KAZN: variants seen among roughly 807,000 people sequenced by gnomAD.
KAZN encodes the protein kazrin.
A neutral mutation model predicts 87.4 loss-of-function variants in KAZN; 40 were observed. That is an observed-to-expected ratio of 0.46 (90% CI 0.36 to 0.60). The LOEUF (loss-of-function observed/expected upper bound fraction) is 0.60. Among genes scored for constraint, KAZN ranks in the 20% least tolerant of loss-of-function variants. The pLI, the probability that KAZN is intolerant of heterozygous loss-of-function variation, is 0.00. For missense variants in KAZN, 898 were observed against 1,073.9 expected (o/e 0.84, Z 2.29); for synonymous variants, 466 against 458.3 (o/e 1.02, Z -0.22).
At chr1:14,553,220 C>CA (rs1034110319) in intron 2 of KAZN, among the ~76,000 whole-genome samples, 6 of 152,112 alleles carry the variant, frequency 3.9e-5, no homozygotes, top group East Asian at 1.9e-4. Context: ...ACTGAAAACA[C>CA]AAAAAAATTA....
At chr1:14,709,012 A>G (rs1289949119) in intron 1 of KAZN, among the ~76,000 whole-genome samples, 3 of 152,152 alleles carry the variant, frequency 2.0e-5, no homozygotes, top group Non-Finnish European at 4.4e-5. Context: ...TACCTGTTGG[A>G]TGATGATGGT....
chr1:14,319,945 A>G (rs1655934721), intron 2 of KAZN, among the ~76,000 whole-genome samples: 1 of 152,148 alleles, frequency 6.6e-6, no homozygotes, highest in Non-Finnish European at 1.5e-5. Context: ...TTCAACTGTA[A>G]CTTATGTGTA....
intron 2 of KAZN, among the ~76,000 whole-genome samples, chr1:14,507,758 A>G (rs911384069): frequency 6.6e-6 from 1 of 152,024 alleles, no homozygotes; most frequent in African/African-American, 2.4e-5. Flanking sequence ...CCTCATTCTG[A>G]TCTCCCACCG....
chr1:14,862,729 G>A (rs1651011011), intron 1 of KAZN, among the ~76,000 whole-genome samples: 1 of 152,112 alleles, frequency 6.6e-6, no homozygotes, highest in Admixed American at 6.5e-5. Context: ...CCCGTGCTAT[G>A]TGCTCATAAT....
chr1:15,112,185 C>A, intron 13 of KAZN: 1 of 555,024 alleles, frequency 1.8e-6, no homozygotes, highest in Non-Finnish European at 3.2e-6. Context: ...TGCTTGCTGT[C>A]TCTGGCCTCC....
At chr1:15,068,353 C>T (rs972217954) in intron 8 of KAZN, among the ~76,000 whole-genome samples, 7 of 152,042 alleles carry the variant, frequency 4.6e-5, no homozygotes, top group African/African-American at 1.4e-4. Flanking sequence ...AGAAGCATCT[C>T]GCCTCTGCCG....
At chr1:14,601,851 G>T (rs904933910) in intron 1 of KAZN, among the ~76,000 whole-genome samples, 2 of 152,144 alleles carry the variant, frequency 1.3e-5, no homozygotes, top group Admixed American at 1.3e-4. Context: ...AAATGCAACC[G>T]TGTAAGTCAT....
intron 1 of KAZN, among the ~76,000 whole-genome samples, chr1:14,858,674 A>AT (rs1650463245): frequency 1.3e-5 from 2 of 152,214 alleles, no homozygotes. Flanking sequence ...ACAACTAAGT[A>AT]TTGGCATTGC....
chr1:14,759,273 G>C (rs1476843900), intron 1 of KAZN, among the ~76,000 whole-genome samples: 2 of 152,180 alleles, frequency 1.3e-5, no homozygotes, highest in African/African-American at 2.4e-5. Flanking sequence ...GTCACCGTGA[G>C]AGCATCGCAC....
At chr1:14,396,755 A>G (rs1386161130) in intron 2 of KAZN, among the ~76,000 whole-genome samples, 1 of 152,204 alleles carries the variant, frequency 6.6e-6, no homozygotes, top group Non-Finnish European at 1.5e-5. Context: ...TCTACAATAA[A>G]TGCAGGGGAA....
chr1:14,193,406 G>A (rs1646461642), intron 2 of KAZN, among the ~76,000 whole-genome samples: 1 of 152,166 alleles, frequency 6.6e-6, no homozygotes, highest in Non-Finnish European at 1.5e-5. Context: ...GGATTGGAGT[G>A]ATGCGTCTGT....
At chr1:15,000,957 T>C (rs1247527102) in intron 2 of KAZN, among the ~76,000 whole-genome samples, 2 of 151,548 alleles carry the variant, frequency 1.3e-5, no homozygotes, top group African/African-American at 4.9e-5. Context: ...TTAAACATTA[T>C]CCAGGTGTGG....
At chr1:14,212,584 C>T (rs540486466) in intron 2 of KAZN, among the ~76,000 whole-genome samples, 8 of 152,128 alleles carry the variant, frequency 5.3e-5, no homozygotes, top group African/African-American at 1.7e-4. Flanking sequence ...GACAGTAGCT[C>T]TGAGACCTAC....
At chr1:14,943,010 GTGTGTGTGTGTGTGTGTGTGTGTGT>G (rs1661292832) in intron 1 of KAZN, among the ~76,000 whole-genome samples, 30 of 76,624 alleles carry the variant, frequency 3.9e-4, no homozygotes, top group African/African-American at 1.9e-3. Context: ...TGTGTGTGGT[GTGTGTGTGTGTGTGTGTGTGTGTGT>G]GTGTGTGTGT....
chr1:14,491,517 T>C (rs538738644), intron 2 of KAZN, among the ~76,000 whole-genome samples: 35 of 152,302 alleles, frequency 2.3e-4, no homozygotes, highest in African/African-American at 8.4e-4. Flanking sequence ...GTTACTCTTT[T>C]GATATTACCA....
At chr1:14,594,605 G>A (rs1214969888), upstream of KAZN, among the ~76,000 whole-genome samples, 1 of 152,194 alleles carries the variant, frequency 6.6e-6, no homozygotes, top group African/African-American at 2.4e-5. Flanking sequence ...CTACTGGGGT[G>A]TGAGATTGGG....
chr1:14,060,994 G>A (rs766919129), intron 1 of KAZN, among the ~76,000 whole-genome samples: 10 of 152,214 alleles, frequency 6.6e-5, no homozygotes, highest in Non-Finnish European at 1.2e-4. Flanking sequence ...CACCAGCAGC[G>A]TGGCCTTTGA....
chr1:14,156,909 TG>T (rs1318787570), intron 1 of KAZN, among the ~76,000 whole-genome samples: 2 of 137,330 alleles, frequency 1.5e-5, no homozygotes, highest in East Asian at 1.9e-4. Flanking sequence ...TGTGGTCTTT[TG>T]TTTTTTTTTT....
intron 2 of KAZN, among the ~76,000 whole-genome samples, chr1:14,243,502 A>G (rs1649171107): frequency 6.6e-6 from 1 of 152,214 alleles, no homozygotes; most frequent in African/African-American, 2.4e-5. Flanking sequence ...TAGCTCTTCA[A>G]AATAGCTCCT....
Sources: allele counts gnomAD v4.1 joint callset (sites outside exome capture counted in the v4.1 genomes callset), GRCh38; gene constraint gnomAD v4.1.1; transcripts MANE v1.5; gene names NCBI Gene and HGNC (gene_info 2026-07-23, HGNC 2026-07-21).